Variants in SEMA5A observed in about 807,000 individuals in gnomAD.
The protein encoded by SEMA5A is semaphorin-5A.
Under a neutral mutation model 135.5 loss-of-function variants are expected in SEMA5A, and 55 were observed. The ratio of observed to expected loss-of-function variants is 0.41; its 90% CI spans 0.33 to 0.51. The LOEUF is 0.51. SEMA5A is among the 20% of genes least tolerant of loss of function. SEMA5A has a pLI of 0.37. For synonymous variants in SEMA5A, 580 were observed against 546.5 expected (o/e 1.06, Z -0.85); for missense variants, 1,290 against 1,419.9 (o/e 0.91, Z 1.47).
chr5:9,103,992 G>A (rs1374300429), intron 16 of SEMA5A, among the ~76,000 whole-genome samples: 1 of 152,110 alleles, frequency 6.6e-6, no homozygotes, highest in Non-Finnish European at 1.5e-5. Flanking sequence ...AAGACAAAAA[G>A]CTCCTCCTTC....
chr5:9,311,147 G>GC (rs942750699), intron 5 of SEMA5A, among the ~76,000 whole-genome samples: 11 of 21,878 alleles, frequency 5.0e-4, no homozygotes, highest in Non-Finnish European at 4.7e-3. Context: ...TTCGCTCAAC[G>GC]GGGGGGTCCT....
chr5:9,117,123 T>C (rs1740557868), intron 15 of SEMA5A, among the ~76,000 whole-genome samples: 1 of 152,222 alleles, frequency 6.6e-6, no homozygotes, highest in Admixed American at 6.5e-5. Context: ...ATTTTACATA[T>C]AAGTCCCTCA....
At chr5:9,458,592 G>A (rs1758936277) in intron 1 of SEMA5A, among the ~76,000 whole-genome samples, 1 of 152,214 alleles carries the variant, frequency 6.6e-6, no homozygotes, top group South Asian at 2.1e-4. Context: ...AGCCACACAA[G>A]ATGGTGGCAA....
rs549584808 is a variant in SEMA5A at position 9,542,801 on chromosome 5, T to C, written c.-175+2783A>G. 2.0e-5 allele frequency among the ~76,000 whole-genome samples: 3 copies of C among 152,344 alleles called. No homozygotes were observed. In the South Asian group the frequency reaches 6.2e-4, roughly 32 times the overall value. On this transcript the variant is annotated intron_variant, in intron 1 of 22. Transcript: ENST00000382496. ...CTGGGATATGTTATAAACTCATTTG[T>C]TCTATCTTGCACACCATCTGCTTTG...
intron 5 of SEMA5A, among the ~76,000 whole-genome samples, chr5:9,266,664 T>C (rs1272326077): frequency 1.3e-5 from 2 of 152,236 alleles, no homozygotes; most frequent in African/African-American, 2.4e-5. Flanking sequence ...CTATTCTCTT[T>C]TGATGGGACA....
chr5:9,081,745 T>C (rs1020105767), intron 16 of SEMA5A, among the ~76,000 whole-genome samples: 1 of 152,202 alleles, frequency 6.6e-6, no homozygotes, highest in Non-Finnish European at 1.5e-5. Context: ...TCCAGAATAG[T>C]GATGAACTAT....
chr5:9,359,732 T>C (rs1191403256), intron 3 of SEMA5A, among the ~76,000 whole-genome samples: 1 of 152,192 alleles, frequency 6.6e-6, no homozygotes, highest in East Asian at 1.9e-4. Context: ...GGCAATTAAG[T>C]ATTCAAATTA....
intron 5 of SEMA5A, among the ~76,000 whole-genome samples, chr5:9,258,731 G>A (rs1749221222): frequency 6.7e-6 from 1 of 150,116 alleles, no homozygotes; most frequent in African/African-American, 2.4e-5. Flanking sequence ...TCCAGTGTCT[G>A]CACATAGTAA....
chr5:9,153,838 G>A (rs1267529014), intron 12 of SEMA5A, among the ~76,000 whole-genome samples: 1 of 151,516 alleles, frequency 6.6e-6, no homozygotes, highest in Admixed American at 6.6e-5. Context: ...TTGAGGTCAG[G>A]AGTTCAAGAC....
intron 5 of SEMA5A, among the ~76,000 whole-genome samples, chr5:9,247,569 T>C (rs147978769): frequency 2.5e-4 from 38 of 152,288 alleles, no homozygotes; most frequent in African/African-American, 8.7e-4. Flanking sequence ...TTTATACTCA[T>C]GGAACAACTC....
chr5:9,116,727 G>T (rs951871166), intron 15 of SEMA5A, among the ~76,000 whole-genome samples: 2 of 152,172 alleles, frequency 1.3e-5, no homozygotes, highest in African/African-American at 4.8e-5. Context: ...CAATTATTTT[G>T]TATGCCTAGT....
At chr5:9,300,893 T>C (rs10072845) in intron 5 of SEMA5A, among the ~76,000 whole-genome samples, 21,180 of 152,020 alleles carry the variant, frequency 0.14, 1,551 homozygotes, top group South Asian at 0.19. Context: ...TCCCCTAGAG[T>C]CTTCAAAGGG....
intron 3 of SEMA5A, among the ~76,000 whole-genome samples, chr5:9,377,453 C>T (rs1034460352): frequency 1.3e-5 from 2 of 151,710 alleles, no homozygotes; most frequent in Non-Finnish European, 2.9e-5. Context: ...GCCATAACCA[C>T]GCAGAAAGAA....
At chr5:9,445,147 T>C (rs1489603811) in intron 1 of SEMA5A, among the ~76,000 whole-genome samples, 1 of 152,182 alleles carries the variant, frequency 6.6e-6, no homozygotes, top group Non-Finnish European at 1.5e-5. Context: ...GAATTTTTCC[T>C]GCATCCCAGT....
chr5:9,469,428 G>T (rs1208100383), intron 1 of SEMA5A, among the ~76,000 whole-genome samples: 1 of 152,132 alleles, frequency 6.6e-6, no homozygotes, highest in African/African-American at 2.4e-5. Flanking sequence ...AACAGAGAAA[G>T]GTAATGTTTA....
intron 3 of SEMA5A, among the ~76,000 whole-genome samples, chr5:9,368,998 A>T (rs1237910895): frequency 1.3e-5 from 2 of 152,206 alleles, no homozygotes; most frequent in African/African-American, 4.8e-5. Context: ...ATCATTATGC[A>T]TCATCATCCT....
At chr5:9,519,652 T>C (rs1736710471) in intron 1 of SEMA5A, among the ~76,000 whole-genome samples, 3 of 152,238 alleles carry the variant, frequency 2.0e-5, no homozygotes, top group Admixed American at 6.5e-5. Flanking sequence ...TCACCATGCA[T>C]GTGCTGAAGC....
intron 1 of SEMA5A, among the ~76,000 whole-genome samples, chr5:9,452,758 G>T (rs1173788612): frequency 6.6e-6 from 1 of 152,164 alleles, no homozygotes; most frequent in Non-Finnish European, 1.5e-5. Flanking sequence ...TGTTACTGAA[G>T]AAGCTATTTA....
intron 1 of SEMA5A, among the ~76,000 whole-genome samples, chr5:9,478,978 G>T (rs1759773228): frequency 6.6e-6 from 1 of 152,180 alleles, no homozygotes; most frequent in Non-Finnish European, 1.5e-5. Flanking sequence ...GAGAGGGATT[G>T]AATCATTGGG....
Sources: gnomAD v4.1 joint callset for allele counts (sites outside exome capture counted in the v4.1 genomes callset) on GRCh38, gnomAD v4.1.1 for gene constraint, MANE v1.5 for transcripts, NCBI Gene and HGNC (gene_info 2026-07-23, HGNC 2026-07-21) for gene names.